SUPT3H: variants seen among roughly 807,000 people sequenced by gnomAD.
The protein encoded by SUPT3H is transcription initiation protein SPT3 homolog.
A neutral mutation model predicts 44.3 loss-of-function variants in SUPT3H; 44 were observed. The ratio of observed to expected loss-of-function variants is 0.99; its 90% CI spans 0.78 to 1.28. The LOEUF is 1.28. Ranked by LOEUF, SUPT3H falls within the 50% of genes most tolerant of loss-of-function variation. The pLI is 0.00. For missense variants in SUPT3H, 380 were observed against 387.1 expected, an observed-to-expected ratio of 0.98 and a Z score of 0.15; for synonymous variants, 124 against 125.6, an observed-to-expected ratio of 0.99 and a Z score of 0.09.
intron 5 of SUPT3H, among the ~76,000 whole-genome samples, chr6:45,004,001 G>C (rs1262192752): frequency 6.6e-6 from 1 of 152,050 alleles, no homozygotes; most frequent in Admixed American, 6.6e-5. Flanking sequence ...TGAAAGAATA[G>C]AACCAAATGA....
chr6:45,300,521 G>A (rs1191779351), intron 2 of SUPT3H, among the ~76,000 whole-genome samples: 1 of 152,190 alleles, frequency 6.6e-6, no homozygotes, highest in East Asian at 1.9e-4. Flanking sequence ...CAGCTGGCAA[G>A]TACTTCAGTG....
chr6:44,977,847 G>A (rs1236276595), intron 6 of SUPT3H, among the ~76,000 whole-genome samples: 1 of 152,090 alleles, frequency 6.6e-6, no homozygotes, highest in Non-Finnish European at 1.5e-5. Flanking sequence ...AAAATTCTAC[G>A]TGAAATGCTC....
intron 3 of SUPT3H, among the ~76,000 whole-genome samples, chr6:45,092,750 C>CAAAA (rs71674371): frequency 7.3e-4 from 93 of 127,252 alleles, no homozygotes; most frequent in South Asian, 3.4e-3. Context: ...GACTTCGTCT[C>CAAAA]AAAAAAAAAA....
At chr6:45,159,474 C>A (rs1164680913) in intron 2 of SUPT3H, 5 of 152,144 alleles carry the variant, frequency 3.3e-5, no homozygotes, top group African/African-American at 1.2e-4. Flanking sequence ...AGGTTGTCAT[C>A]CTTGGATCTA....
intron 2 of SUPT3H, among the ~76,000 whole-genome samples, chr6:45,106,359 G>C (rs568621708): frequency 1.2e-4 from 19 of 152,208 alleles, no homozygotes; most frequent in Admixed American, 2.6e-4. Flanking sequence ...TTGAGCCCAG[G>C]AGGCAGAAGT....
chr6:45,359,075 T>C (rs1472133943), intron 2 of SUPT3H, among the ~76,000 whole-genome samples: 1 of 152,190 alleles, frequency 6.6e-6, no homozygotes, highest in Non-Finnish European at 1.5e-5. Flanking sequence ...AAGACACTTT[T>C]TTCCCTGGTA....
intron 2 of SUPT3H, among the ~76,000 whole-genome samples, chr6:45,354,449 A>T (rs929250180): frequency 2.6e-5 from 4 of 152,182 alleles, no homozygotes; most frequent in South Asian, 2.1e-4. Flanking sequence ...TCGCTTGGAA[A>T]GGAATCATAG....
intron 2 of SUPT3H, among the ~76,000 whole-genome samples, chr6:45,361,363 T>C (rs1179371380): frequency 6.6e-6 from 1 of 152,164 alleles, no homozygotes; most frequent in African/African-American, 2.4e-5. Context: ...TAAGCACTAC[T>C]GAGCTGTGAA....
intron 10 of SUPT3H, among the ~76,000 whole-genome samples, chr6:44,882,629 A>G (rs899324124): frequency 1.3e-5 from 2 of 152,196 alleles, no homozygotes; most frequent in African/African-American, 4.8e-5. Context: ...CAATGCAAAA[A>G]TCCTCAATAA....
intron 2 of SUPT3H, among the ~76,000 whole-genome samples, chr6:45,271,623 C>A (rs552533885): frequency 4.6e-5 from 7 of 152,282 alleles, no homozygotes; most frequent in Middle Eastern, 3.4e-3. Context: ...TCATGGAGAA[C>A]CTTTGCTCAG....
chr6:45,161,849 G>T (rs1165539778), intron 2 of SUPT3H, among the ~76,000 whole-genome samples: 2 of 152,022 alleles, frequency 1.3e-5, no homozygotes, highest in Non-Finnish European at 1.5e-5. Context: ...CACTATTTCT[G>T]TACTATTTAA....
At chr6:44,867,770 T>TA (rs1372318705) in intron 10 of SUPT3H, among the ~76,000 whole-genome samples, 1 of 152,144 alleles carries the variant, frequency 6.6e-6, no homozygotes, top group African/African-American at 2.4e-5. Flanking sequence ...AGGCAGGCCT[T>TA]ATGACATGGC....
chr6:45,214,599 C>T (rs1764724431), intron 2 of SUPT3H, among the ~76,000 whole-genome samples: 1 of 152,194 alleles, frequency 6.6e-6, no homozygotes, highest in Non-Finnish European at 1.5e-5. Context: ...GTAATCCCAG[C>T]TGCTCAGAAG....
At chr6:44,878,250 A>T (rs1561941648) in intron 10 of SUPT3H, among the ~76,000 whole-genome samples, 1 of 152,206 alleles carries the variant, frequency 6.6e-6, no homozygotes, top group Non-Finnish European at 1.5e-5. Flanking sequence ...AATGTGATGC[A>T]TTACTGATTT....
intron 2 of SUPT3H, among the ~76,000 whole-genome samples, chr6:45,128,503 CAAAAAAAAA>C (rs1168489460): frequency 1.0e-2 from 123 of 12,332 alleles, no homozygotes; most frequent in Non-Finnish European, 0.013. Flanking sequence ...GACTCTGTCT[CAAAAAAAAA>C]AAAAAAAAAA....
chr6:44,861,329 G>A lies in SUPT3H; in HGVS notation c.913-31472C>T, dbSNP rs1774622711. On this transcript the variant is annotated intron_variant, in intron 10 of 10. Coordinates refer to ENST00000371459, the MANE Select transcript of SUPT3H (RefSeq NM_003599.4). ...GGGCTCAAGTGATCCTCTCACCTCA[G>A]CTTCCCAAAGGGATTAAAGGCATGG... is the stretch of plus-strand genomic sequence containing the variant. Among the ~76,000 whole-genome samples the A allele has an allele frequency of 2.0e-5, 3 of 152,190 alleles. No homozygotes were observed. In the South Asian group the frequency reaches 6.2e-4, roughly 32 times the overall value.
At chr6:45,223,961 CCAA>C (rs923217688) in intron 2 of SUPT3H, among the ~76,000 whole-genome samples, 70 of 148,646 alleles carry the variant, frequency 4.7e-4, no homozygotes, top group South Asian at 3.4e-3. Context: ...GTAAATTACA[CCAA>C]CAAGCCTTAA....
At chr6:45,139,191 G>A (rs938053344) in intron 2 of SUPT3H, among the ~76,000 whole-genome samples, 6 of 152,040 alleles carry the variant, frequency 3.9e-5, no homozygotes, top group Non-Finnish European at 7.4e-5. Flanking sequence ...GACTTAAAAA[G>A]ATACTCAGGT....
At chr6:44,865,399 C>T (rs1775341158) in intron 10 of SUPT3H, among the ~76,000 whole-genome samples, 1 of 151,534 alleles carries the variant, frequency 6.6e-6, no homozygotes, top group Non-Finnish European at 1.5e-5. Flanking sequence ...TCCTGGTACC[C>T]ATTTACTGTA....
Sources: allele counts gnomAD v4.1 joint callset (sites outside exome capture counted in the v4.1 genomes callset), GRCh38; gene constraint gnomAD v4.1.1; transcripts MANE v1.5; gene names NCBI Gene and HGNC (gene_info 2026-07-23, HGNC 2026-07-21).